Variants in IMPG1 observed in about 807,000 individuals in gnomAD.
IMPG1 encodes the protein interphotoreceptor matrix proteoglycan of 150 kDa.
A neutral mutation model predicts 92.0 loss-of-function variants in IMPG1; 85 were observed. The ratio of observed to expected loss-of-function variants is 0.92; its 90% CI spans 0.78 to 1.11. The LOEUF (loss-of-function observed/expected upper bound fraction) is 1.11. Among genes scored for constraint, IMPG1 ranks in the 50% least tolerant of loss-of-function variants. The probability of loss-of-function intolerance (pLI) is 0.00; values close to 1 mark genes in which losing one functional copy is unlikely to be tolerated. For synonymous variants in IMPG1, 367 were observed against 334.1 expected (o/e 1.10, Z -1.08); for missense variants, 1,022 against 956.0 (o/e 1.07, Z -0.91).
chr6:76,011,018 C>T, intron 8 of IMPG1, 148 bp downstream of exon 8: 1 of 569,888 alleles, frequency 1.8e-6, no homozygotes, highest in Non-Finnish European at 3.2e-6. Flanking sequence ...TAGACAGTTC[C>T]TTTATCTGAA....
At chr6:75,965,629 A>G in intron 12 of IMPG1, among the ~76,000 whole-genome samples, 1 of 96,036 alleles carries the variant, frequency 1.0e-5, no homozygotes, top group Admixed American at 1.3e-4. Context: ...TTTTTTTGAG[A>G]CGGAGTCTCG....
chr6:76,054,405 AT>A lies in IMPG1; in HGVS notation c.68-12280del, dbSNP rs914405086. Among the ~76,000 whole-genome samples the A allele has an allele frequency of 4.6e-5, 7 of 152,264 alleles. No homozygotes were observed. The South Asian group carries it at 8.3e-4, about 18-fold the overall frequency. On this transcript the variant is annotated intron_variant, in intron 1 of 16. Coordinates refer to ENST00000369950, the MANE Select transcript of IMPG1 (RefSeq NM_001563.4). ...TCAGTAAAAGTATGTCCCATGGAAT[AT>A]TTGGGACATAGTAGATGCATATGGA...
At chr6:76,046,090 G>GA (rs5877470) in intron 1 of IMPG1, among the ~76,000 whole-genome samples, 39 of 147,772 alleles carry the variant, frequency 2.6e-4, no homozygotes, top group African/African-American at 5.0e-4. Context: ...AGTGATTTCA[G>GA]AAAAAAAAAA....
rs538323074 is a variant in IMPG1 at position 76,049,228 on chromosome 6, A to G, written c.68-7102T>C. On this transcript the variant is annotated intron_variant, in intron 1 of 16. Coordinates refer to ENST00000369950, the MANE Select transcript of IMPG1 (RefSeq NM_001563.4). ...TGGTTGGAGGGAGAGGATCAGAAAA[A>G]ATAACTATAGGATACTAGACTTAAT... Among the ~76,000 whole-genome samples the G allele has an allele frequency of 2.6e-5, 4 of 152,308 alleles. No homozygotes were observed. In the East Asian group the frequency reaches 7.7e-4, roughly 29 times the overall value.
intron 12 of IMPG1, among the ~76,000 whole-genome samples, chr6:75,953,517 T>C (rs1782069687): frequency 6.6e-6 from 1 of 152,204 alleles, no homozygotes; most frequent in African/African-American, 2.4e-5. Context: ...TTTGGGTTGC[T>C]GTTCCTGTGT....
At chr6:75,981,537 C>A (rs1250950284) in intron 12 of IMPG1, among the ~76,000 whole-genome samples, 1 of 152,226 alleles carries the variant, frequency 6.6e-6, no homozygotes, top group East Asian at 1.9e-4. Context: ...TCAGTCTAAG[C>A]TAGTCAACAT....
chr6:75,960,410 G>A (rs1782196659), intron 12 of IMPG1, among the ~76,000 whole-genome samples: 1 of 152,130 alleles, frequency 6.6e-6, no homozygotes, highest in Non-Finnish European at 1.5e-5. Context: ...ATTCATTAAA[G>A]GAACAATTTG....
chr6:75,957,883 T>C (rs1241251441), intron 12 of IMPG1, among the ~76,000 whole-genome samples: 1 of 152,234 alleles, frequency 6.6e-6, no homozygotes, highest in African/African-American at 2.4e-5. Context: ...TGTCTTTTAA[T>C]TGGGGCATTT....
intron 1 of IMPG1, among the ~76,000 whole-genome samples, chr6:76,060,372 G>A (rs35545775): frequency 0.031 from 4,722 of 152,244 alleles, 91 homozygotes; most frequent in Non-Finnish European, 0.048. Context: ...AATATTCTCC[G>A]TAAATAATTA....
intron 14 of IMPG1, among the ~76,000 whole-genome samples, chr6:75,934,577 T>G (rs73464852): frequency 0.029 from 4,452 of 152,272 alleles, 212 homozygotes; most frequent in African/African-American, 0.1. Flanking sequence ...ACAGTCAAAG[T>G]TAAAAAGATC....
At position 75,931,063 on chromosome 6, in the gene IMPG1, G is replaced by C. The variant is rs1220332109; in HGVS notation, c.2133C>G (p.Arg711=). ...KNERTEEAEC[R]CKPGYDSQGS... ...CCTGGCTGTCATATCCTGGTTTGCA[G>C]CGACACTCCGCTTCCTCAGTCCGTT... The change falls in exon 15 of 17, where the codon CGC becomes CGG. Residue 711 remains arginine (R), a synonymous_variant. Transcript: ENST00000369950. 5 of 1,614,198 alleles carry C rather than the reference G, an allele frequency of 3.1e-6. No individual in the cohort carries two copies. Among genetic ancestry groups the C allele is most frequent in the Non-Finnish European group, 4.2e-6 (5 of 1,180,038 alleles).
At chr6:75,992,006 A>G (rs565314043) in intron 12 of IMPG1, among the ~76,000 whole-genome samples, 2 of 152,370 alleles carry the variant, frequency 1.3e-5, no homozygotes, top group East Asian at 3.8e-4. Flanking sequence ...GTATTTTAAA[A>G]GATGAGATTA....
chr6:75,957,380 A>G (rs950838753), intron 12 of IMPG1, among the ~76,000 whole-genome samples: 1 of 152,176 alleles, frequency 6.6e-6, no homozygotes, highest in Admixed American at 6.5e-5. Context: ...AAGAATGTAT[A>G]TTCTGTTGAC....
chr6:76,062,144 G>A (rs1784217119), intron 1 of IMPG1, among the ~76,000 whole-genome samples: 1 of 152,108 alleles, frequency 6.6e-6, no homozygotes, highest in Non-Finnish European at 1.5e-5. Flanking sequence ...GAAACAATTT[G>A]GCAATATGAA....
chr6:76,053,491 A>G (rs1784075510), intron 1 of IMPG1, among the ~76,000 whole-genome samples: 1 of 152,234 alleles, frequency 6.6e-6, no homozygotes, highest in African/African-American at 2.4e-5. Context: ...AGCTAACTTC[A>G]GAAGCTGAGG....
intron 12 of IMPG1, among the ~76,000 whole-genome samples, chr6:75,968,419 A>G (rs1198892159): frequency 1.3e-5 from 2 of 152,166 alleles, no homozygotes; most frequent in Admixed American, 1.3e-4. Context: ...TAAATTTAGT[A>G]AATTTTATTA....
chr6:76,055,743 A>C (rs1157002150), intron 1 of IMPG1, among the ~76,000 whole-genome samples: 2 of 152,100 alleles, frequency 1.3e-5, no homozygotes, highest in Non-Finnish European at 2.9e-5. Context: ...GACTTTCTAC[A>C]AAATGTTCTA....
chr6:76,055,244 T>C (rs1036648377), intron 1 of IMPG1, among the ~76,000 whole-genome samples: 5 of 152,022 alleles, frequency 3.3e-5, no homozygotes, highest in African/African-American at 1.2e-4. Context: ...AGAAGTAAGC[T>C]AGAAATTAGT....
rs1250029783 is a variant in IMPG1, at chr6:76,064,373, T to C, written c.67+8049A>G. Among the ~76,000 whole-genome samples, 135 of 144,000 alleles carry C rather than the reference T, an allele frequency of 9.4e-4. 1 individual carries two copies. The highest frequency in any genetic ancestry group is 3.3e-3 in the African/African-American group (129 of 39,604). The allele number at this position is 144,000 out of a possible 152,430, so 94.5% of individuals were successfully genotyped here. A position where few individuals can be genotyped will look rare whatever the true frequency, so the allele number is the denominator to read the frequency against. On this transcript the variant is annotated intron_variant, in intron 1 of 16. Coordinates refer to ENST00000369950, the MANE Select transcript of IMPG1 (RefSeq NM_001563.4). The stretch of plus-strand genomic sequence containing the variant: ...CATGGGGCAACCATTTTTTTTTCTT[T>C]TTTTTTTTTTTTTAATGGCCATTGG...
Sources: allele counts gnomAD v4.1 joint callset (sites outside exome capture counted in the v4.1 genomes callset), GRCh38; gene constraint gnomAD v4.1.1; transcripts MANE v1.5; gene names NCBI Gene and HGNC (gene_info 2026-07-23, HGNC 2026-07-21).